Variants in MDFIC2 observed in about 807,000 individuals in gnomAD.
The protein encoded by MDFIC2 is myoD family inhibitor domain-containing protein 2.
chr3:70,252,804 G>A (rs1303163177), intron 2 of MDFIC2, among the ~76,000 whole-genome samples: 3 of 152,128 alleles, frequency 2.0e-5, no homozygotes, highest in Non-Finnish European at 4.4e-5. Flanking sequence ...AGAAGGCCAG[G>A]CGCGGTGGCT....
At chr3:70,256,695 C>G (rs1241080083) in intron 2 of MDFIC2, among the ~76,000 whole-genome samples, 1 of 152,130 alleles carries the variant, frequency 6.6e-6, no homozygotes, top group African/African-American at 2.4e-5. Context: ...TATGGGGAAG[C>G]AATGGAAAGG....
At chr3:70,307,565 A>G (rs919662112) in intron 2 of MDFIC2, among the ~76,000 whole-genome samples, 45 of 151,344 alleles carry the variant, frequency 3.0e-4, no homozygotes, top group African/African-American at 1.1e-3. Context: ...ATTTGGGCCT[A>G]TTTTCTCCTT....
At chr3:70,263,001 T>G (rs1701881313) in intron 2 of MDFIC2, among the ~76,000 whole-genome samples, 1 of 152,208 alleles carries the variant, frequency 6.6e-6, no homozygotes, top group Non-Finnish European at 1.5e-5. Context: ...GAAATTTTAA[T>G]TTTAGGTATT....
At chr3:70,247,012 CCTAT>C (rs1701713545) in intron 2 of MDFIC2, among the ~76,000 whole-genome samples, 1 of 151,746 alleles carries the variant, frequency 6.6e-6, no homozygotes, top group Non-Finnish European at 1.5e-5. Flanking sequence ...TGAGTGGTCG[CCTAT>C]CTGTTTCCAT....
At chr3:70,225,195 T>C (rs1701492028) in intron 2 of MDFIC2, among the ~76,000 whole-genome samples, 1 of 152,202 alleles carries the variant, frequency 6.6e-6, no homozygotes, top group African/African-American at 2.4e-5. Flanking sequence ...AAAAGAAATT[T>C]TATTTTTTGG....
intron 2 of MDFIC2, among the ~76,000 whole-genome samples, chr3:70,230,765 T>C (rs1701552137): frequency 6.6e-6 from 1 of 152,206 alleles, no homozygotes; most frequent in South Asian, 2.1e-4. Flanking sequence ...CCTTGAGTTT[T>C]AAAGGCAATG....
intron 2 of MDFIC2, among the ~76,000 whole-genome samples, chr3:70,267,394 CTTTTTTTTTTTTTTT>C (rs9310185): frequency 1.3e-5 from 1 of 74,844 alleles, no homozygotes; most frequent in Non-Finnish European, 2.3e-5. Flanking sequence ...TTTTTAATAG[CTTTTTTTTTTTTTTT>C]TTTTTTTTTT....
At chr3:70,306,514 A>C (rs1018771928) in intron 2 of MDFIC2, among the ~76,000 whole-genome samples, 1 of 151,756 alleles carries the variant, frequency 6.6e-6, no homozygotes. Context: ...CATCTTTCAC[A>C]CTCTTTCCTT....
intron 2 of MDFIC2, among the ~76,000 whole-genome samples, chr3:70,249,897 G>A (rs1018365989): frequency 2.6e-5 from 4 of 152,110 alleles, no homozygotes; most frequent in Non-Finnish European, 5.9e-5. Context: ...TCTTGAGGGG[G>A]CAAGAGAATT....
chr3:70,235,737 A>G (rs191788383), intron 2 of MDFIC2, among the ~76,000 whole-genome samples: 1 of 152,238 alleles, frequency 6.6e-6, no homozygotes, highest in Non-Finnish European at 1.5e-5. Context: ...CAGGCCATTG[A>G]TAATTTATTG....
intron 2 of MDFIC2, among the ~76,000 whole-genome samples, chr3:70,273,630 T>C (rs1327228494): frequency 6.6e-6 from 1 of 152,092 alleles, no homozygotes; most frequent in Non-Finnish European, 1.5e-5. Flanking sequence ...TTTGACAGTA[T>C]CAAAGGAGGA....
chr3:70,248,888 T>G (rs1376507940), intron 2 of MDFIC2, among the ~76,000 whole-genome samples: 1 of 152,158 alleles, frequency 6.6e-6, no homozygotes, highest in African/African-American at 2.4e-5. Flanking sequence ...ACTCACTGGA[T>G]GGTAAATCTA....
chr3:70,261,959 C>CA (rs1353098118), intron 2 of MDFIC2, among the ~76,000 whole-genome samples: 1 of 152,156 alleles, frequency 6.6e-6, no homozygotes, highest in Non-Finnish European at 1.5e-5. Flanking sequence ...TCTGCCCTGC[C>CA]AGCACTTCTG....
intron 2 of MDFIC2, among the ~76,000 whole-genome samples, chr3:70,310,978 A>G (rs188235083): frequency 2.4e-3 from 373 of 152,300 alleles, no homozygotes; most frequent in Middle Eastern, 0.014. Context: ...ATTAAGGATA[A>G]TAACTGCTTC....
chr3:70,267,489 G>A (rs769086233), intron 2 of MDFIC2, among the ~76,000 whole-genome samples: 6 of 128,504 alleles, frequency 4.7e-5, no homozygotes, highest in Non-Finnish European at 7.7e-5. Context: ...TGCAAGCTCC[G>A]CCTCCTGGGC....
At chr3:70,288,790 A>T (rs1367990003) in intron 2 of MDFIC2, among the ~76,000 whole-genome samples, 1 of 151,722 alleles carries the variant, frequency 6.6e-6, no homozygotes, top group Admixed American at 6.6e-5. Flanking sequence ...TTCTTGTTGA[A>T]TTGATCCCTT....
intron 2 of MDFIC2, among the ~76,000 whole-genome samples, chr3:70,305,656 G>A (rs1267890199): frequency 2.0e-5 from 3 of 152,162 alleles, no homozygotes; most frequent in East Asian, 3.8e-4. Context: ...TGGTTGCTGA[G>A]TTGAACAAAA....
intron 2 of MDFIC2, among the ~76,000 whole-genome samples, chr3:70,268,866 G>C (rs1701948372): frequency 6.6e-6 from 1 of 152,038 alleles, no homozygotes; most frequent in East Asian, 1.9e-4. Flanking sequence ...TAAAATCTCA[G>C]TTTATGAGGA....
At chr3:70,268,193 G>T (rs763731634) in intron 2 of MDFIC2, among the ~76,000 whole-genome samples, 1 of 152,082 alleles carries the variant, frequency 6.6e-6, no homozygotes, top group Admixed American at 6.5e-5. Context: ...TTCTCCGGCT[G>T]GGCGCGGTAG....
Sources: gnomAD v4.1 joint callset for allele counts (sites outside exome capture counted in the v4.1 genomes callset) on GRCh38, gnomAD v4.1.1 for gene constraint, MANE v1.5 for transcripts, NCBI Gene and HGNC (gene_info 2026-07-23, HGNC 2026-07-21) for gene names.